SGCZ: variants seen among roughly 807,000 people sequenced by gnomAD.
SGCZ encodes sarcoglycan zeta.
SGCZ carries 40 observed loss-of-function variants against 41.3 expected under a neutral mutation model. That is an observed-to-expected ratio of 0.97 (90% CI 0.75 to 1.26). The LOEUF is 1.26. Ranked by LOEUF, SGCZ falls within the 50% of genes most tolerant of loss-of-function variation. The probability of loss-of-function intolerance (pLI) is 0.00; values close to 1 mark genes in which losing one functional copy is unlikely to be tolerated. For missense variants in SGCZ, 552 were observed against 369.8 expected (o/e 1.49, Z -4.04); for synonymous variants, 206 against 137.5 (o/e 1.50, Z -3.49).
chr8:15,140,233 C>T (rs1200287889), intron 1 of SGCZ, among the ~76,000 whole-genome samples: 1 of 152,108 alleles, frequency 6.6e-6, no homozygotes, highest in East Asian at 1.9e-4. Flanking sequence ...CTTTATTGCC[C>T]AGGCCAGTCT....
chr8:14,806,459 G>A (rs1427190864), intron 1 of SGCZ, among the ~76,000 whole-genome samples: 5 of 151,742 alleles, frequency 3.3e-5, no homozygotes, highest in Admixed American at 2.0e-4. Context: ...ACACCTCTAC[G>A]CAAATAAACT....
chr8:14,681,671 A>T (rs903166722), intron 1 of SGCZ, among the ~76,000 whole-genome samples: 2 of 152,210 alleles, frequency 1.3e-5, no homozygotes, highest in African/African-American at 4.8e-5. Flanking sequence ...CAGTGATCAG[A>T]TATTACTCAG....
chr8:14,808,297 C>T (rs1585279095), intron 1 of SGCZ, among the ~76,000 whole-genome samples: 1 of 151,932 alleles, frequency 6.6e-6, no homozygotes, highest in Admixed American at 6.6e-5. Context: ...AACAGGCAAC[C>T]TACAAAATGG....
intron 1 of SGCZ, among the ~76,000 whole-genome samples, chr8:14,656,848 T>G (rs1294876707): frequency 6.6e-6 from 1 of 151,978 alleles, no homozygotes. Flanking sequence ...GAAATATGAC[T>G]TACATGTATG....
intron 1 of SGCZ, among the ~76,000 whole-genome samples, chr8:14,569,216 G>C (rs2117226696): frequency 6.6e-6 from 1 of 152,232 alleles, no homozygotes; most frequent in South Asian, 2.1e-4. Context: ...TGATTCTGTT[G>C]ACAGTGCACA....
chr8:14,857,778 A>G (rs1803593473), intron 1 of SGCZ, among the ~76,000 whole-genome samples: 2 of 152,136 alleles, frequency 1.3e-5, no homozygotes, highest in South Asian at 4.1e-4. Context: ...AGGCAGGACA[A>G]TTGCTTGAAC....
At chr8:14,221,513 A>G (rs527397258) in intron 4 of SGCZ, among the ~76,000 whole-genome samples, 25 of 152,338 alleles carry the variant, frequency 1.6e-4, no homozygotes, top group African/African-American at 5.5e-4. Context: ...TAAAAATACT[A>G]GCAGCAGTAA....
At chr8:14,572,779 A>G (rs926866086) in intron 1 of SGCZ, among the ~76,000 whole-genome samples, 1 of 152,176 alleles carries the variant, frequency 6.6e-6, no homozygotes, top group African/African-American at 2.4e-5. Context: ...AACATACTCA[A>G]CAAGCTCCAA....
At chr8:15,231,745 C>T in intron 1 of SGCZ, among the ~76,000 whole-genome samples, 1 of 151,596 alleles carries the variant, frequency 6.6e-6, no homozygotes, top group Admixed American at 6.6e-5. Flanking sequence ...CCTCAACCTC[C>T]CGAGTAGCTG....
chr8:14,677,870 G>C (rs947196394), intron 1 of SGCZ, among the ~76,000 whole-genome samples: 3 of 152,188 alleles, frequency 2.0e-5, no homozygotes, highest in Non-Finnish European at 4.4e-5. Context: ...GGAGAACGAA[G>C]TTGGAGGACT....
intron 1 of SGCZ, among the ~76,000 whole-genome samples, chr8:14,782,578 C>T (rs1800624195): frequency 6.6e-6 from 1 of 152,116 alleles, no homozygotes; most frequent in Non-Finnish European, 1.5e-5. Flanking sequence ...CTAAACAAGA[C>T]TCATTTCAAT....
intron 3 of SGCZ, among the ~76,000 whole-genome samples, chr8:14,307,229 G>C (rs1801379303): frequency 6.6e-6 from 1 of 152,068 alleles, no homozygotes; most frequent in African/African-American, 2.4e-5. Context: ...TTATTTTCCA[G>C]TCATTCAAAT....
At chr8:14,285,412 A>G (rs941895322) in intron 3 of SGCZ, among the ~76,000 whole-genome samples, 3 of 152,132 alleles carry the variant, frequency 2.0e-5, no homozygotes, top group East Asian at 1.9e-4. Context: ...TACGCTCAGC[A>G]TAACTCCTGA....
At chr8:14,638,590 T>A (rs1175667956) in intron 1 of SGCZ, among the ~76,000 whole-genome samples, 1 of 151,852 alleles carries the variant, frequency 6.6e-6, no homozygotes, top group Admixed American at 6.6e-5. Context: ...GGTTAAAGGC[T>A]GACCCAGTAA....
At chr8:14,486,297 G>A (rs1221453063) in intron 2 of SGCZ, among the ~76,000 whole-genome samples, 2 of 152,204 alleles carry the variant, frequency 1.3e-5, no homozygotes, top group South Asian at 2.1e-4. Context: ...CATATGTTGA[G>A]TATGCATGGT....
intron 1 of SGCZ, among the ~76,000 whole-genome samples, chr8:14,811,893 A>G (rs1801748991): frequency 6.6e-6 from 1 of 151,950 alleles, no homozygotes; most frequent in Admixed American, 6.6e-5. Flanking sequence ...AATTATATAT[A>G]AGCATTTGAT....
chr8:14,633,866 G>A (rs1488103296), intron 1 of SGCZ, among the ~76,000 whole-genome samples: 2 of 151,926 alleles, frequency 1.3e-5, no homozygotes, highest in East Asian at 3.9e-4. Context: ...TAAACATGCT[G>A]TGTTTTGTGC....
intron 4 of SGCZ, among the ~76,000 whole-genome samples, chr8:14,209,028 G>T (rs1012490268): frequency 6.6e-6 from 1 of 152,132 alleles, no homozygotes; most frequent in African/African-American, 2.4e-5. Flanking sequence ...AATAGGAAAA[G>T]GTTACCTGGG....
intron 2 of SGCZ, among the ~76,000 whole-genome samples, chr8:14,503,394 T>C (rs1392311409): frequency 6.6e-6 from 1 of 152,082 alleles, no homozygotes; most frequent in Admixed American, 6.6e-5. Flanking sequence ...TGCATACCTA[T>C]GTAACAAACC....
Sources: allele counts gnomAD v4.1 joint callset (sites outside exome capture counted in the v4.1 genomes callset), GRCh38; gene constraint gnomAD v4.1.1; transcripts MANE v1.5; gene names NCBI Gene and HGNC (gene_info 2026-07-23, HGNC 2026-07-21).